The following PHACTR1 variants were observed in gnomAD, a reference collection of about 807,000 sequenced individuals.
PHACTR1 encodes the protein phosphatase and actin regulator 1, also known as RPEL repeat containing 1.
A neutral mutation model predicts 69.2 loss-of-function variants in PHACTR1; 16 were observed. The ratio of observed to expected loss-of-function variants is 0.23; its 90% CI spans 0.16 to 0.35. The LOEUF (loss-of-function observed/expected upper bound fraction) is 0.35. Ranked by LOEUF, PHACTR1 falls within the 10% of genes least tolerant of loss-of-function variation. The pLI is 1.00. For synonymous variants in PHACTR1, 312 were observed against 284.5 expected, an observed-to-expected ratio of 1.10 and a Z score of -0.97; for missense variants, 510 against 734.7, an observed-to-expected ratio of 0.69 and a Z score of 3.54.
chr6:12,769,530 TCTTA>T (rs1769107543), intron 4 of PHACTR1, among the ~76,000 whole-genome samples: 1 of 152,202 alleles, frequency 6.6e-6, no homozygotes, highest in South Asian at 2.1e-4. Flanking sequence ...ACCCTCTGTG[TCTTA>T]CTTCTTCTGG....
rs376467653 is a variant in PHACTR1 at position 13,182,526 on chromosome 6, A to G, written c.504A>G (p.Glu168=). 1.9e-6 allele frequency: 3 copies of G among 1,613,672 alleles called. No homozygotes were observed. The highest frequency in any genetic ancestry group is 2.5e-6 in the Non-Finnish European group (3 of 1,179,704). The change falls in exon 7 of 15, where the codon GAA becomes GAG. Residue 168 remains glutamate (E), a synonymous_variant. Coordinates refer to ENST00000332995, the MANE Select transcript of PHACTR1 (RefSeq NM_030948.6). ...TCCTTTTCTCTCTGACAGATGGGGA[A>G]CTCTCTATATCCAATGAAGAGGACT... ...VLKEIYDKDG[E]LSISNEEDSL...
At chr6:12,810,352 T>G (rs1172175171) in intron 4 of PHACTR1, among the ~76,000 whole-genome samples, 1 of 152,048 alleles carries the variant, frequency 6.6e-6, no homozygotes, top group Non-Finnish European at 1.5e-5. Context: ...GTTTGTTTGT[T>G]TTTGCCTAAG....
At chr6:13,267,800 C>G (rs539622387) in intron 10 of PHACTR1, 1 of 132,434 alleles carries the variant, frequency 7.6e-6, no homozygotes, top group South Asian at 2.5e-4. Context: ...CAGCCAGCGT[C>G]TCAAACTCAG....
At chr6:13,178,728 A>T (rs1287989747) in intron 6 of PHACTR1, among the ~76,000 whole-genome samples, 1 of 152,244 alleles carries the variant, frequency 6.6e-6, no homozygotes, top group African/African-American at 2.4e-5. Flanking sequence ...CAAAGCCATT[A>T]TCACAGATGA....
intron 4 of PHACTR1, among the ~76,000 whole-genome samples, chr6:12,844,023 G>A (rs2127746290): frequency 6.6e-6 from 1 of 152,290 alleles, no homozygotes; most frequent in African/African-American, 2.4e-5. Context: ...AATCTTTGAA[G>A]ACATGAAACT....
At chr6:13,118,224 A>T (rs962922043) in intron 5 of PHACTR1, among the ~76,000 whole-genome samples, 3 of 152,130 alleles carry the variant, frequency 2.0e-5, no homozygotes, top group Non-Finnish European at 2.9e-5. Context: ...ATGTGCTATT[A>T]TTGTTCACAT....
intron 5 of PHACTR1, among the ~76,000 whole-genome samples, chr6:13,113,327 G>T (rs1264546929): frequency 1.3e-5 from 2 of 152,180 alleles, no homozygotes; most frequent in African/African-American, 4.8e-5. Flanking sequence ...TCATTAGATA[G>T]AATTCTTTCA....
intron 4 of PHACTR1, among the ~76,000 whole-genome samples, chr6:12,999,889 C>T (rs1411501808): frequency 2.0e-5 from 3 of 152,218 alleles, no homozygotes; most frequent in African/African-American, 7.2e-5. Context: ...GCAGCTAGGA[C>T]TCCATGTTAA....
At chr6:12,755,167 G>T (rs1333913031) in intron 4 of PHACTR1, among the ~76,000 whole-genome samples, 1 of 152,078 alleles carries the variant, frequency 6.6e-6, no homozygotes, top group Admixed American at 6.6e-5. Context: ...TTACCTTATG[G>T]CTACATGGTA....
At chr6:12,851,121 G>T (rs1320418672) in intron 4 of PHACTR1, among the ~76,000 whole-genome samples, 1 of 152,148 alleles carries the variant, frequency 6.6e-6, no homozygotes, top group African/African-American at 2.4e-5. Context: ...CCACAAACTG[G>T]ACATAATTAT....
At chr6:12,933,786 G>C (rs956089320) in intron 4 of PHACTR1, 1 of 1,612,792 alleles carries the variant, frequency 6.2e-7, no homozygotes, top group East Asian at 2.2e-5. Context: ...ATCTGCTCAG[G>C]CCCCAGTACA....
At position 13,287,202 on chromosome 6, in the gene PHACTR1, A is replaced by G; in HGVS notation, c.*124A>G. The G allele has an allele frequency of 9.8e-7, 1 of 1,018,628 alleles. No individual in the cohort carries two copies. The highest frequency in any genetic ancestry group is 2.9e-5 in the Admixed American group (1 of 33,978). The allele number at this position is 1,018,628 out of a possible 1,614,324, so 63.1% of individuals were successfully genotyped here. A position where few individuals can be genotyped will look rare whatever the true frequency, so the allele number is the denominator to read the frequency against. On this transcript the variant is annotated 3_prime_UTR_variant, in exon 15 of 15. Coordinates refer to ENST00000332995, the MANE Select transcript of PHACTR1 (RefSeq NM_030948.6). ...CTTCTGAACTGCCTTTTTTTTAAAA[A>G]GAAGAAAAATCAAGGAAACACAATC...
chr6:13,276,090 T>C (rs1265889507), intron 11 of PHACTR1: 2 of 150,986 alleles, frequency 1.3e-5, no homozygotes, highest in Non-Finnish European at 2.9e-5. Context: ...GGCTGACTAG[T>C]TTAATGGGCT....
chr6:12,904,348 A>T (rs1179576472), intron 4 of PHACTR1, among the ~76,000 whole-genome samples: 1 of 152,038 alleles, frequency 6.6e-6, no homozygotes, highest in Non-Finnish European at 1.5e-5. Flanking sequence ...CCTGCCCAAC[A>T]TGGTGAAACC....
At position 13,003,950 on chromosome 6, in the gene PHACTR1, C is replaced by CATATATATATATATATA. The variant is rs1562119669; in HGVS notation, c.251-49415_251-49414insATATATATATATATATA. Among the ~76,000 whole-genome samples, 68 of 81,362 alleles carry CATATATATATATATATA rather than the reference C, an allele frequency of 8.4e-4. 4 individuals are homozygous for CATATATATATATATATA. Among genetic ancestry groups the CATATATATATATATATA allele is most frequent in the South Asian group, 3.2e-3 (8 of 2,510 alleles). 53.4% of individuals were successfully genotyped at this position (81,362 alleles called of 152,430 possible). On this transcript the variant is annotated intron_variant, in intron 4 of 14. Transcript: ENST00000332995. ...TCTTTTTTTATGGCTCAGTAGTATT[C>CATATATATATATATATA]CTATATATATATATGTATATATATA... is the stretch of plus-strand genomic sequence containing the variant.
At chr6:12,755,976 T>G (rs1767271720) in intron 4 of PHACTR1, among the ~76,000 whole-genome samples, 2 of 152,198 alleles carry the variant, frequency 1.3e-5, no homozygotes, top group South Asian at 4.1e-4. Context: ...CAAAGAAACT[T>G]CTTTCCCTTT....
chr6:12,863,389 T>C (rs9381451), intron 4 of PHACTR1, among the ~76,000 whole-genome samples: 15,509 of 152,236 alleles, frequency 0.1, 874 homozygotes, highest in East Asian at 0.18. Flanking sequence ...ACCAATACCA[T>C]CAGGGGGATT....
intron 4 of PHACTR1, among the ~76,000 whole-genome samples, chr6:12,986,087 C>T (rs1046863361): frequency 6.6e-6 from 1 of 152,130 alleles, no homozygotes; most frequent in Non-Finnish European, 1.5e-5. Context: ...CCACCTGCCT[C>T]GGTCTCTCAA....
chr6:13,076,271 T>A (rs945934967), intron 5 of PHACTR1, among the ~76,000 whole-genome samples: 1 of 152,160 alleles, frequency 6.6e-6, no homozygotes, highest in Middle Eastern at 3.2e-3. Flanking sequence ...TTATGAAGCA[T>A]ATAAAAAGTG....
Sources: gnomAD v4.1 joint callset for allele counts (sites outside exome capture counted in the v4.1 genomes callset) on GRCh38, gnomAD v4.1.1 for gene constraint, MANE v1.5 for transcripts, NCBI Gene and HGNC (gene_info 2026-07-23, HGNC 2026-07-21) for gene names.